GXYLT2: variants seen among roughly 807,000 people sequenced by gnomAD.
GXYLT2 encodes glycosyltransferase 8 domain containing 4.
In GXYLT2, 53 loss-of-function variants were observed where a neutral mutation model predicts 45.8. The ratio of observed to expected loss-of-function variants is 1.16; its 90% CI spans 0.93 to 1.46. GXYLT2 has a LOEUF of 1.46. Among genes scored for constraint, GXYLT2 ranks in the 40% most tolerant of loss-of-function variants. GXYLT2 has a pLI of 0.00. For missense variants in GXYLT2, 551 were observed against 544.4 expected (o/e 1.01, Z -0.12); for synonymous variants, 219 against 214.2 (o/e 1.02, Z -0.19).
intron 5 of GXYLT2, 44 bp downstream of exon 5, chr3:72,957,396 A>T (rs1328892447): frequency 6.5e-7 from 1 of 1,549,682 alleles, no homozygotes; most frequent in Non-Finnish European, 8.7e-7. Flanking sequence ...GAGTACACTC[A>T]GCACACCCCA....
chr3:72,898,418 T>C (rs979691362), intron 1 of GXYLT2, among the ~76,000 whole-genome samples: 3 of 152,130 alleles, frequency 2.0e-5, no homozygotes, highest in African/African-American at 7.2e-5. Flanking sequence ...CTCAATAACA[T>C]GTTAATTTGG....
chr3:72,963,796 C>T (rs1209165514), intron 5 of GXYLT2, among the ~76,000 whole-genome samples: 1 of 151,934 alleles, frequency 6.6e-6, no homozygotes, highest in African/African-American at 2.4e-5. Flanking sequence ...CCTCACCCTC[C>T]CAAGTAGCTG....
chr3:72,913,024 GT>G (rs1388983253), intron 2 of GXYLT2, among the ~76,000 whole-genome samples: 5 of 145,278 alleles, frequency 3.4e-5, no homozygotes, highest in East Asian at 2.0e-4. Context: ...ATTTCCTCAG[GT>G]TTTTTTTTTG....
intron 5 of GXYLT2, 102 bp downstream of exon 5, chr3:72,957,454 G>A (rs1710670341): frequency 8.6e-7 from 1 of 1,162,972 alleles, no homozygotes; most frequent in Non-Finnish European, 1.2e-6. Flanking sequence ...CTTGAATTGT[G>A]CACAGAGGAG....
At chr3:72,946,813 A>G (rs1486678401) in intron 3 of GXYLT2, among the ~76,000 whole-genome samples, 1 of 152,126 alleles carries the variant, frequency 6.6e-6, no homozygotes, top group Non-Finnish European at 1.5e-5. Context: ...TTAGAAATTT[A>G]TAGCTTTAAT....
intron 3 of GXYLT2, among the ~76,000 whole-genome samples, chr3:72,924,048 G>C (rs893505743): frequency 6.6e-6 from 1 of 152,092 alleles, no homozygotes; most frequent in African/African-American, 2.4e-5. Context: ...ATATACAAAG[G>C]CCCTAAGGTG....
At chr3:72,950,947 A>G (rs1335228034) in intron 3 of GXYLT2, among the ~76,000 whole-genome samples, 3 of 152,200 alleles carry the variant, frequency 2.0e-5, no homozygotes, top group African/African-American at 7.2e-5. Flanking sequence ...TATAGCCAGC[A>G]GCATCGGGTA....
At chr3:72,972,400 G>A (rs1575821178) in intron 6 of GXYLT2, among the ~76,000 whole-genome samples, 1 of 151,474 alleles carries the variant, frequency 6.6e-6, no homozygotes, top group South Asian at 2.1e-4. Flanking sequence ...CAGCACTTTG[G>A]GAGACCGAGG....
At chr3:72,923,391 C>T (rs996396613) in intron 3 of GXYLT2, among the ~76,000 whole-genome samples, 7 of 152,036 alleles carry the variant, frequency 4.6e-5, no homozygotes, top group Non-Finnish European at 8.8e-5. Context: ...CTCCAGCCTA[C>T]CTGACAGACT....
intron 2 of GXYLT2, among the ~76,000 whole-genome samples, chr3:72,915,644 C>T (rs1027723543): frequency 6.6e-6 from 1 of 152,006 alleles, no homozygotes. Context: ...CGAGACCAGC[C>T]TGGCCAACAT....
intron 5 of GXYLT2, among the ~76,000 whole-genome samples, chr3:72,961,656 T>C (rs1467460234): frequency 3.6e-5 from 1 of 27,940 alleles, no homozygotes; most frequent in Non-Finnish European, 1.0e-4. Flanking sequence ...TTTGAATTCT[T>C]AGCAAAAAAA....
intron 3 of GXYLT2, among the ~76,000 whole-genome samples, chr3:72,933,224 A>C (rs912998928): frequency 1.3e-5 from 2 of 152,146 alleles, no homozygotes; most frequent in African/African-American, 4.8e-5. Flanking sequence ...TTTTTGACCC[A>C]GTCGGCCAAG....
At chr3:72,932,209 C>G (rs538411776) in intron 3 of GXYLT2, among the ~76,000 whole-genome samples, 1 of 151,920 alleles carries the variant, frequency 6.6e-6, no homozygotes, top group Non-Finnish European at 1.5e-5. Flanking sequence ...CCCACCACCA[C>G]GCCCAGCTAA....
intron 3 of GXYLT2, chr3:72,929,037 C>A (rs990239370): frequency 1.3e-6 from 2 of 1,535,712 alleles, no homozygotes; most frequent in African/African-American, 1.4e-5. Flanking sequence ...TCCTTAGCCG[C>A]CGCCGTGACG....
intron 3 of GXYLT2, among the ~76,000 whole-genome samples, chr3:72,927,411 G>C (rs542796643): frequency 3.3e-5 from 5 of 151,982 alleles, no homozygotes; most frequent in African/African-American, 4.8e-5. Context: ...TTCTACTTAC[G>C]GCTTGTTAAA....
At chr3:72,932,588 C>T (rs1710060461) in intron 3 of GXYLT2, among the ~76,000 whole-genome samples, 1 of 152,150 alleles carries the variant, frequency 6.6e-6, no homozygotes, top group Admixed American at 6.5e-5. Flanking sequence ...AACATTTAAG[C>T]CACATGGATT....
intron 2 of GXYLT2, among the ~76,000 whole-genome samples, chr3:72,920,324 C>CG (rs1709809449): frequency 6.6e-6 from 1 of 151,770 alleles, no homozygotes; most frequent in South Asian, 2.1e-4. Flanking sequence ...TAGTAGAGAC[C>CG]GGGTTTCACC....
rs890192550 is a variant in GXYLT2 at position 72,888,308 on chromosome 3, G to C, written c.75G>C (p.Leu25=). ...LAALLLALLS[L]RAGRAEPPAL... is the part of the protein sequence containing the mutation. ...CGCTGCTGCTGGCGCTGCTGTCCCT[G>C]CGCGCTGGCCGCGCTGAGCCCCCAG... Residue 25 remains leucine, a synonymous_variant, in exon 1 of 7, where the codon CTG becomes CTC. Coordinates refer to ENST00000389617, the MANE Select transcript of GXYLT2 (RefSeq NM_001080393.2). The C allele has an allele frequency of 9.3e-5, 92 of 989,116 alleles. 1 individual carries two copies. The highest frequency in any genetic ancestry group is 8.9e-4 in the South Asian group (20 of 22,476). The allele number at this position is 989,116 out of a possible 1,614,324, so 61.3% of individuals were successfully genotyped here. A position where few individuals can be genotyped will look rare whatever the true frequency, so the allele number is the denominator to read the frequency against.
Position 72,912,013 on chromosome 3 carries a change from A to ATTTTTTT in GXYLT2, c.468+3463_468+3469dup, listed in dbSNP as rs35108267. Among the ~76,000 whole-genome samples the ATTTTTTT allele has an allele frequency of 4.9e-4, 56 of 114,890 alleles. 1 individual carries two copies. The highest frequency in any genetic ancestry group is 2.1e-3 in the African/African-American group (54 of 25,158). 75.4% of individuals were successfully genotyped at this position (114,890 alleles called of 152,430 possible). A position where few individuals can be genotyped will look rare whatever the true frequency, so the allele number is the denominator to read the frequency against. Reference sequence around the variant, plus strand: ...TGTGTGTATATATATATATATATATATTTTTTTTTTTTTTTGAGACAGCGT... The same window carrying ATTTTTTT: ...TGTGTGTATATATATATATATATATATTTTTTTTTTTTTTTTTTTTTTGAGACAGCGT... On this transcript the variant is annotated intron_variant, in intron 2 of 6. Transcript: ENST00000389617.
Sources: allele counts gnomAD v4.1 joint callset (sites outside exome capture counted in the v4.1 genomes callset), GRCh38; gene constraint gnomAD v4.1.1; transcripts MANE v1.5; gene names NCBI Gene and HGNC (gene_info 2026-07-23, HGNC 2026-07-21).